Variants in ADORA2B observed in about 807,000 individuals in gnomAD.
ADORA2B encodes adenosine A2b receptor.
ADORA2B carries 18 observed loss-of-function variants against 20.8 expected under a neutral mutation model. The ratio of observed to expected loss-of-function variants is 0.87; its 90% CI spans 0.60 to 1.29. ADORA2B has a LOEUF of 1.29. Among genes scored for constraint, ADORA2B ranks in the 50% most tolerant of loss-of-function variants. ADORA2B has a pLI of 0.00. For synonymous variants in ADORA2B, 179 were observed against 178.3 expected (o/e 1.00, Z -0.03); for missense variants, 441 against 422.7 (o/e 1.04, Z -0.38).
the ADORA2B span, among the ~76,000 whole-genome samples, chr17:15,856,963 C>A: frequency 5.3e-5 from 8 of 152,298 alleles, no homozygotes; most frequent in Non-Finnish European, 1.0e-4. Flanking sequence ...GAAAAAATGT[C>A]CCCAGGACAT....
At chr17:15,887,735 CAGG>C in the ADORA2B span, among the ~76,000 whole-genome samples, 4 of 125,424 alleles carry the variant, frequency 3.2e-5, 1 homozygote, top group African/African-American at 1.4e-4. Flanking sequence ...ATCATGAGGT[CAGG>C]AGATTGAGAC....
chr17:15,920,110 G>T, the ADORA2B span, among the ~76,000 whole-genome samples: 7 of 152,088 alleles, frequency 4.6e-5, no homozygotes, highest in African/African-American at 1.7e-4. Context: ...AAATGCTTCA[G>T]AGTTTTCAGA....
chr17:15,899,216 C>A, the ADORA2B span, among the ~76,000 whole-genome samples: 2 of 151,182 alleles, frequency 1.3e-5, no homozygotes, highest in Non-Finnish European at 2.9e-5. Context: ...GGTGACAGAG[C>A]GAGACTCTGT....
the ADORA2B span, among the ~76,000 whole-genome samples, chr17:15,905,743 C>T: frequency 6.6e-6 from 1 of 152,154 alleles, no homozygotes; most frequent in South Asian, 2.1e-4. Flanking sequence ...ACAACCTCCA[C>T]CTCCTGGGTT....
At chr17:15,864,305 G>A in the ADORA2B span, among the ~76,000 whole-genome samples, 12 of 152,296 alleles carry the variant, frequency 7.9e-5, no homozygotes, top group East Asian at 2.3e-3. Context: ...CATATGCAAC[G>A]GGAAGCCAGT....
chr17:15,959,733 T>C (rs1003385425), intron 1 of ADORA2B, among the ~76,000 whole-genome samples: 3 of 152,214 alleles, frequency 2.0e-5, no homozygotes, highest in Admixed American at 2.0e-4. Flanking sequence ...ATTCCTGACC[T>C]CAGGTGATCC....
the ADORA2B span, among the ~76,000 whole-genome samples, chr17:15,927,420 C>T: frequency 2.0e-5 from 3 of 151,764 alleles, no homozygotes; most frequent in African/African-American, 7.3e-5. Flanking sequence ...GAGGCAGAGG[C>T]TGCAGTGAGC....
At chr17:15,862,206 CTTTTCTTTTTTTTTT>C in the ADORA2B span, among the ~76,000 whole-genome samples, 120 of 121,288 alleles carry the variant, frequency 9.9e-4, no homozygotes, top group Non-Finnish European at 1.5e-3. Context: ...CTTTTCTTTT[CTTTTCTTTTTTTTTT>C]TTTTTTTTTT....
At chr17:15,876,533 A>C in the ADORA2B span, among the ~76,000 whole-genome samples, 2 of 133,106 alleles carry the variant, frequency 1.5e-5, no homozygotes, top group Non-Finnish European at 3.1e-5. Flanking sequence ...GAATTATTTC[A>C]TTGGTAATTT....
intron 1 of ADORA2B, among the ~76,000 whole-genome samples, chr17:15,959,703 G>C (rs1402875108): frequency 6.6e-6 from 1 of 152,136 alleles, no homozygotes; most frequent in African/African-American, 2.4e-5. Context: ...GTTTTGCCAT[G>C]TTGGCCAGGC....
the ADORA2B span, among the ~76,000 whole-genome samples, chr17:15,868,600 GT>G: frequency 0.071 from 8,514 of 120,660 alleles, 1,609 homozygotes; most frequent in Non-Finnish European, 0.1. Flanking sequence ...GTGAAACCCC[GT>G]TCTCTACTAA....
chr17:15,957,242 A>G (rs977255551), intron 1 of ADORA2B, among the ~76,000 whole-genome samples: 1 of 152,234 alleles, frequency 6.6e-6, no homozygotes, highest in Non-Finnish European at 1.5e-5. Context: ...CAGAGGAGCC[A>G]CAGGTAAAAT....
the ADORA2B span, among the ~76,000 whole-genome samples, chr17:15,876,026 T>C: frequency 6.6e-6 from 1 of 152,236 alleles, no homozygotes; most frequent in African/African-American, 2.4e-5. Context: ...ATGGCTGCCC[T>C]CTGTGCCTGG....
At chr17:15,898,314 G>T in the ADORA2B span, among the ~76,000 whole-genome samples, 3 of 151,890 alleles carry the variant, frequency 2.0e-5, no homozygotes, top group South Asian at 6.2e-4. Flanking sequence ...TTTATTTTAA[G>T]ATGGCGTTTT....
the ADORA2B span, among the ~76,000 whole-genome samples, chr17:15,922,951 TTC>T: frequency 1.8e-4 from 27 of 152,340 alleles, no homozygotes; most frequent in South Asian, 5.4e-3. Context: ...TGTTTTAAAA[TTC>T]TGTTTGTGTT....
the ADORA2B span, among the ~76,000 whole-genome samples, chr17:15,921,546 G>T: frequency 2.0e-5 from 3 of 152,076 alleles, no homozygotes; most frequent in Non-Finnish European, 2.9e-5. Context: ...AAGGCGCAAA[G>T]AAAATAAAAA....
chr17:15,885,158 T>C, the ADORA2B span, among the ~76,000 whole-genome samples: 3 of 152,250 alleles, frequency 2.0e-5, no homozygotes, highest in Admixed American at 6.5e-5. Context: ...TATTTGCATT[T>C]CTCTAATAAG....
the ADORA2B span, among the ~76,000 whole-genome samples, chr17:15,876,245 T>C: frequency 4.6e-5 from 7 of 152,288 alleles, no homozygotes; most frequent in Non-Finnish European, 8.8e-5. Context: ...TTTCCCTTTA[T>C]AATTTTGTGG....
chr17:15,861,521 A>G, the ADORA2B span, among the ~76,000 whole-genome samples: 2 of 152,194 alleles, frequency 1.3e-5, no homozygotes, highest in African/African-American at 4.8e-5. Context: ...GTGGGATTTT[A>G]TTCCTGTTTT....
Sources: gnomAD v4.1 joint callset for allele counts (sites outside exome capture counted in the v4.1 genomes callset) on GRCh38, gnomAD v4.1.1 for gene constraint, MANE v1.5 for transcripts, NCBI Gene and HGNC (gene_info 2026-07-23, HGNC 2026-07-21) for gene names.